PID1: variants seen among roughly 807,000 people sequenced by gnomAD.
PID1 encodes the protein phosphotyrosine interaction domain containing 1.
In PID1, 10 loss-of-function variants were observed where a neutral mutation model predicts 19.1. The ratio of observed to expected loss-of-function variants is 0.52; its 90% confidence interval spans 0.32 to 0.89. The LOEUF is 0.89. Among genes scored for constraint, PID1 ranks in the 40% least tolerant of loss-of-function variants. The pLI is 0.03. For synonymous variants in PID1, 130 were observed against 116.0 expected, an observed-to-expected ratio of 1.12 and a Z score of -0.78; for missense variants, 248 against 285.3, an observed-to-expected ratio of 0.87 and a Z score of 0.94.
chr2:229,095,748 T>C (rs1266170395), intron 2 of PID1, among the ~76,000 whole-genome samples: 1 of 152,168 alleles, frequency 6.6e-6, no homozygotes, highest in Non-Finnish European at 1.5e-5. Flanking sequence ...CGATCAGTCA[T>C]TCACTGAAGG....
chr2:229,237,281 T>C (rs1689731907), intron 1 of PID1, among the ~76,000 whole-genome samples: 1 of 152,138 alleles, frequency 6.6e-6, no homozygotes, highest in East Asian at 1.9e-4. Flanking sequence ...GTCAGTGTTG[T>C]AGAACGAGGC....
chr2:229,241,526 T>C (rs1336446354), intron 1 of PID1, among the ~76,000 whole-genome samples: 23 of 152,260 alleles, frequency 1.5e-4, no homozygotes. Context: ...TAAAACAGAA[T>C]GAAAAAGTAT....
intron 2 of PID1, among the ~76,000 whole-genome samples, chr2:229,093,452 T>C (rs1694915057): frequency 2.0e-5 from 3 of 151,674 alleles, no homozygotes; most frequent in Non-Finnish European, 4.4e-5. Flanking sequence ...TCTCCAATCC[T>C]CCTTGTATCA....
intron 1 of PID1, among the ~76,000 whole-genome samples, chr2:229,248,996 C>CTAAAACT (rs1417669499): frequency 6.6e-6 from 1 of 152,122 alleles, no homozygotes; most frequent in African/African-American, 2.4e-5. Context: ...GAAAAGCAAC[C>CTAAAACT]TAAAACTTTC....
chr2:229,212,264 G>A (rs939116157), intron 1 of PID1, among the ~76,000 whole-genome samples: 1 of 152,162 alleles, frequency 6.6e-6, no homozygotes, highest in Admixed American at 6.5e-5. Context: ...AGTTTCTTCT[G>A]GAGAAATTTA....
chr2:229,210,410 G>T (rs1311487772), intron 1 of PID1, among the ~76,000 whole-genome samples: 1 of 113,972 alleles, frequency 8.8e-6, no homozygotes, highest in Non-Finnish European at 2.0e-5. Context: ...CTACTGGGGA[G>T]AGTGAGGCAG....
intron 2 of PID1, among the ~76,000 whole-genome samples, chr2:229,145,270 A>G (rs1320595057): frequency 6.7e-6 from 1 of 150,254 alleles, no homozygotes; most frequent in Admixed American, 6.7e-5. Flanking sequence ...TTTTGAAGTT[A>G]TTATAATCTT....
intron 2 of PID1, among the ~76,000 whole-genome samples, chr2:229,072,314 C>T (rs1694472624): frequency 1.3e-5 from 2 of 152,152 alleles, no homozygotes; most frequent in South Asian, 2.1e-4. Flanking sequence ...ATAGGCCAGG[C>T]GTGGTGGCTC....
At chr2:229,027,437 A>G (rs1001430084) in intron 2 of PID1, among the ~76,000 whole-genome samples, 2 of 152,196 alleles carry the variant, frequency 1.3e-5, no homozygotes, top group African/African-American at 4.8e-5. Context: ...TCTTTGAGGC[A>G]GGTGAAGTTG....
rs952814530 is a variant in PID1 at position 229,244,395 on chromosome 2, T to C, written c.30+26619A>G. Among the ~76,000 whole-genome samples, 5 of 152,148 alleles carry C rather than the reference T, an allele frequency of 3.3e-5. 1 individual carries two copies. The highest frequency in any genetic ancestry group is 9.7e-5 in the African/African-American group (4 of 41,440). Reference sequence around the variant, plus strand: ...AAACTAGAACTAGGAATCAAGTCTGTCTATAGGGAGTCCCCTCAAAGCTAC... The same window carrying C: ...AAACTAGAACTAGGAATCAAGTCTGCCTATAGGGAGTCCCCTCAAAGCTAC... On this transcript the variant is annotated intron_variant, in intron 1 of 2. Coordinates refer to ENST00000392055, the MANE Select transcript of PID1 (RefSeq NM_001100818.2).
chr2:229,246,273 C>T (rs1441326796), intron 1 of PID1, among the ~76,000 whole-genome samples: 1 of 152,156 alleles, frequency 6.6e-6, no homozygotes, highest in Non-Finnish European at 1.5e-5. Flanking sequence ...GAGCTGCTGG[C>T]ATTCAGGTCA....
chr2:229,178,031 C>G (rs1470316473), intron 1 of PID1, among the ~76,000 whole-genome samples: 1 of 152,130 alleles, frequency 6.6e-6, no homozygotes, highest in Non-Finnish European at 1.5e-5. Context: ...GCCCCAGCAG[C>G]AGCTTACAGG....
At chr2:229,125,895 G>C (rs1695612946) in intron 2 of PID1, among the ~76,000 whole-genome samples, 1 of 152,182 alleles carries the variant, frequency 6.6e-6, no homozygotes, top group Non-Finnish European at 1.5e-5. Flanking sequence ...GAGCAAATAT[G>C]AAGCTTCTGT....
At chr2:229,182,839 C>T (rs553303705) in intron 1 of PID1, among the ~76,000 whole-genome samples, 23 of 152,322 alleles carry the variant, frequency 1.5e-4, no homozygotes, top group Middle Eastern at 3.4e-3. Flanking sequence ...ACGTACACTT[C>T]ATGCCTTAAC....
chr2:229,176,625 T>G (rs893507333), intron 1 of PID1, among the ~76,000 whole-genome samples: 2 of 152,240 alleles, frequency 1.3e-5, no homozygotes, highest in African/African-American at 4.8e-5. Context: ...TTGCCATTAA[T>G]ATTGTTTTTC....
chr2:229,093,526 T>C (rs145409920), intron 2 of PID1, among the ~76,000 whole-genome samples: 1 of 152,308 alleles, frequency 6.6e-6, no homozygotes, highest in African/African-American at 2.4e-5. Flanking sequence ...CATTTACTCA[T>C]TACACATCTA....
chr2:229,074,715 T>C (rs1044165966), intron 2 of PID1, among the ~76,000 whole-genome samples: 2 of 152,190 alleles, frequency 1.3e-5, no homozygotes, highest in African/African-American at 2.4e-5. Flanking sequence ...AAATATCAAA[T>C]AGATTTCAGA....
chr2:229,178,837 G>C (rs965676910), intron 1 of PID1, among the ~76,000 whole-genome samples: 5 of 152,068 alleles, frequency 3.3e-5, no homozygotes, highest in African/African-American at 1.2e-4. Context: ...AAAAAGATGT[G>C]AAGAAGGAAG....
intron 2 of PID1, among the ~76,000 whole-genome samples, chr2:229,103,514 G>A (rs895285612): frequency 6.6e-6 from 1 of 150,848 alleles, no homozygotes; most frequent in Non-Finnish European, 1.5e-5. Context: ...AGCCATGGAA[G>A]TTTCAAGGTC....
Sources: allele counts gnomAD v4.1 joint callset (sites outside exome capture counted in the v4.1 genomes callset), GRCh38; gene constraint gnomAD v4.1.1; transcripts MANE v1.5; gene names NCBI Gene and HGNC (gene_info 2026-07-23, HGNC 2026-07-21).